Variants in GLB1 observed in about 807,000 individuals in gnomAD.
GLB1 encodes beta-galactosidase.
GLB1 carries 56 observed loss-of-function variants against 74.0 expected under a neutral mutation model. That is an observed-to-expected ratio of 0.76 (90% CI 0.61 to 0.94). The LOEUF is 0.94. GLB1 is among the 40% of genes least tolerant of loss of function. The pLI is 0.00. For missense variants in GLB1, 787 were observed against 845.5 expected (o/e 0.93, Z 0.86); for synonymous variants, 323 against 323.6 (o/e 1.00, Z 0.02).
chr3:33,005,351 T>C (rs940840997), intron 15 of GLB1, among the ~76,000 whole-genome samples: 5 of 152,168 alleles, frequency 3.3e-5, no homozygotes, highest in Non-Finnish European at 7.4e-5. Flanking sequence ...CAAAATATCC[T>C]TCCCACTAGG....
chr3:33,074,695 GT>G (rs1476045325), intron 1 of GLB1, among the ~76,000 whole-genome samples: 1 of 152,136 alleles, frequency 6.6e-6, no homozygotes, highest in Non-Finnish European at 1.5e-5. Context: ...GAGAACCAGG[GT>G]TTTAAGAAGC....
chr3:33,053,581 G>A, intron 6 of GLB1, 32 bp from the exon 7 acceptor site: 1 of 1,614,028 alleles, frequency 6.2e-7, no homozygotes, highest in Non-Finnish European at 8.5e-7. Context: ...AGGTAGGTCA[G>A]TCGTGGAAAT....
chr3:32,988,109 C>T, the GLB1 span, among the ~76,000 whole-genome samples: 3 of 149,634 alleles, frequency 2.0e-5, no homozygotes, highest in Non-Finnish European at 1.5e-5. Flanking sequence ...TTGCTTGAAC[C>T]CAGGAGGCAG....
chr3:33,044,749 A>G (rs1435041830), intron 10 of GLB1, among the ~76,000 whole-genome samples: 1 of 151,866 alleles, frequency 6.6e-6, no homozygotes, highest in Admixed American at 6.5e-5. Context: ...CATCATACTT[A>G]AAACAAAAAA....
At chr3:32,981,399 C>CAAAAAAAAAAAAAAAA in the GLB1 span, among the ~76,000 whole-genome samples, 1 of 90,480 alleles carries the variant, frequency 1.1e-5, no homozygotes, top group Non-Finnish European at 2.0e-5. Context: ...GACTCCATCT[C>CAAAAAAAAAAAAAAAA]AAAAAAAAAA....
intron 15 of GLB1, among the ~76,000 whole-genome samples, chr3:33,007,317 C>T (rs950174684): frequency 1.3e-5 from 2 of 152,178 alleles, no homozygotes; most frequent in Non-Finnish European, 1.5e-5. Flanking sequence ...TAGAACATTT[C>T]GTCACTCCGT....
chr3:32,976,288 A>G, the GLB1 span, among the ~76,000 whole-genome samples: 1 of 152,198 alleles, frequency 6.6e-6, no homozygotes, highest in Non-Finnish European at 1.5e-5. Context: ...TAGCCTCAGA[A>G]GACTTACTGG....
At chr3:33,091,700 A>G (rs1007283390) in intron 1 of GLB1, 2 of 985,134 alleles carry the variant, frequency 2.0e-6, no homozygotes, top group East Asian at 1.1e-4. Context: ...AAAGTCACCC[A>G]CCCAACGCTG....
the GLB1 span, among the ~76,000 whole-genome samples, chr3:32,978,982 T>TC: frequency 6.7e-5 from 10 of 150,004 alleles, no homozygotes; most frequent in East Asian, 3.9e-4. Flanking sequence ...TTTCTTTCTT[T>TC]TTTTTTTTTC....
At chr3:33,047,264 G>A (rs1190587070) in intron 9 of GLB1, among the ~76,000 whole-genome samples, 1 of 152,228 alleles carries the variant, frequency 6.6e-6, no homozygotes, top group Non-Finnish European at 1.5e-5. Context: ...ACTGTGCAAG[G>A]GGCGGGGTCT....
the GLB1 span, among the ~76,000 whole-genome samples, chr3:32,977,832 G>C: frequency 6.6e-6 from 1 of 152,120 alleles, no homozygotes; most frequent in Admixed American, 6.6e-5. Context: ...TAGCTCTTGG[G>C]AGGCATGGGA....
At position 32,997,356 on chromosome 3, in the gene GLB1, G is replaced by C. The variant is rs768696404; in HGVS notation, c.1735-12C>G. ...ATCCAGACCTGGCCCTGGAGAGAGA[G>C]AGACAGAGAACCATCAACCCCAGAT... On this transcript the variant is annotated splice_polypyrimidine_tract_variant and intron_variant, in intron 15 of 15. Coordinates refer to ENST00000307363, the MANE Select transcript of GLB1 (RefSeq NM_000404.4). 21 of 1,612,190 alleles carry C rather than the reference G, an allele frequency of 1.3e-5. No individual in the cohort carries two copies. Among genetic ancestry groups the C allele is most frequent in the Non-Finnish European group, 1.5e-5 (18 of 1,179,876 alleles).
chr3:32,999,574 G>C (rs888511507), intron 15 of GLB1, among the ~76,000 whole-genome samples: 1 of 152,152 alleles, frequency 6.6e-6, no homozygotes, highest in Admixed American at 6.5e-5. Context: ...AGGTAAGCTG[G>C]GAATTGTTTT....
At chr3:32,965,167 T>C in the GLB1 span, among the ~76,000 whole-genome samples, 5 of 152,318 alleles carry the variant, frequency 3.3e-5, no homozygotes, top group African/African-American at 1.2e-4. Context: ...GCTGTAAAGA[T>C]ACCTGAAAAT....
At chr3:33,043,771 G>GAAATATACCTCAGAAAAATACCAAGCA (rs1698599831) in intron 10 of GLB1, among the ~76,000 whole-genome samples, 1 of 82,256 alleles carries the variant, frequency 1.2e-5, no homozygotes, top group Non-Finnish European at 2.9e-5. Flanking sequence ...ACAGCATTGG[G>GAAATATACCTCAGAAAAATACCAAGCA]AAAGATACCT....
At chr3:33,000,322 T>C (rs1696504850) in intron 15 of GLB1, among the ~76,000 whole-genome samples, 1 of 152,234 alleles carries the variant, frequency 6.6e-6, no homozygotes, top group Non-Finnish European at 1.5e-5. Flanking sequence ...ACTTTAGTGA[T>C]ACTATAAAGA....
At chr3:32,986,548 T>C in the GLB1 span, among the ~76,000 whole-genome samples, 1 of 152,124 alleles carries the variant, frequency 6.6e-6, no homozygotes, top group South Asian at 2.1e-4. Flanking sequence ...TCGCCGTGAA[T>C]GGTCTTTCTC....
At chr3:33,016,308 G>A (rs1697233542) in intron 14 of GLB1, among the ~76,000 whole-genome samples, 1 of 152,158 alleles carries the variant, frequency 6.6e-6, no homozygotes, top group African/African-American at 2.4e-5. Flanking sequence ...TGTTTGCAAA[G>A]CTCAACTTTC....
intron 1 of GLB1, among the ~76,000 whole-genome samples, chr3:33,074,388 G>GAAA (rs1559412966): frequency 0.026 from 3,044 of 116,002 alleles, 861 homozygotes; most frequent in East Asian, 0.043. Context: ...AAGGAAGGAA[G>GAAA]GAAGAAAGAA....
Sources: gnomAD v4.1 joint callset for allele counts (sites outside exome capture counted in the v4.1 genomes callset) on GRCh38, gnomAD v4.1.1 for gene constraint, MANE v1.5 for transcripts, NCBI Gene and HGNC (gene_info 2026-07-23, HGNC 2026-07-21) for gene names.